Variants in FAM53B observed in about 807,000 individuals in gnomAD.
FAM53B encodes family with sequence similarity 53 member B.
Under a neutral mutation model 32.7 loss-of-function variants are expected in FAM53B, and 12 were observed. That is an observed-to-expected ratio of 0.37 (90% CI 0.24 to 0.59). FAM53B has a LOEUF of 0.59. FAM53B is among the 20% of genes least tolerant of loss of function. The pLI, the probability that FAM53B is intolerant of heterozygous loss-of-function variation, is 0.72. For missense variants in FAM53B, 477 were observed against 577.7 expected (o/e 0.83, Z 1.79); for synonymous variants, 234 against 228.7 (o/e 1.02, Z -0.21).
intron 4 of FAM53B, among the ~76,000 whole-genome samples, chr10:124,662,675 T>C (rs989639359): frequency 6.6e-6 from 1 of 152,074 alleles, no homozygotes; most frequent in Non-Finnish European, 1.5e-5. Flanking sequence ...GACTTAAAAA[T>C]TAGCCTGGCA....
intron 4 of FAM53B, among the ~76,000 whole-genome samples, chr10:124,665,594 T>C (rs1949664982): frequency 6.6e-6 from 1 of 152,228 alleles, no homozygotes; most frequent in Non-Finnish European, 1.5e-5. Context: ...ATCATCTTAT[T>C]TCGTCCTGGC....
chr10:124,664,516 GC>G (rs899483769), intron 4 of FAM53B, among the ~76,000 whole-genome samples: 3 of 152,310 alleles, frequency 2.0e-5, no homozygotes, highest in African/African-American at 7.2e-5. Flanking sequence ...GGGCTACAAG[GC>G]CCCCAAGTCT....
rs1273268394 is a variant in FAM53B, at chr10:124,651,793, G to A, written c.907-28189C>T. ...GGGCACTGGCACATGGCGGGGACAC[G>A]CCACCCCTGCTGTCTACTATGACTG... On this transcript the variant is annotated intron_variant, in intron 4 of 4. Transcript: ENST00000337318. The surrounding 1 kb of genome is among the most constrained non-coding windows in gnomAD (Gnocchi z 5.2). Among the ~76,000 whole-genome samples, 1 of 152,204 alleles carries A rather than the reference G, an allele frequency of 6.6e-6. No individual in the cohort carries two copies. The highest frequency in any genetic ancestry group is 2.4e-5 in the African/African-American group (1 of 41,454).
chr10:124,679,793 T>C (rs1280513847), intron 4 of FAM53B, among the ~76,000 whole-genome samples: 1 of 152,248 alleles, frequency 6.6e-6, no homozygotes, highest in Non-Finnish European at 1.5e-5. Flanking sequence ...TCTATACAAC[T>C]GGGCGCAGCC....
chr10:124,669,233 G>A (rs894810336), intron 4 of FAM53B, among the ~76,000 whole-genome samples: 5 of 152,354 alleles, frequency 3.3e-5, no homozygotes, highest in East Asian at 3.9e-4. Context: ...GATGTAACGC[G>A]CACTGTCCAC....
At chr10:124,666,799 G>C (rs1392232311) in intron 4 of FAM53B, among the ~76,000 whole-genome samples, 1 of 152,228 alleles carries the variant, frequency 6.6e-6, no homozygotes, top group Non-Finnish European at 1.5e-5. Context: ...GAGGAGGGTG[G>C]AGCAGGTGAG....
At chr10:124,717,045 A>G (rs2134093620) in intron 1 of FAM53B, among the ~76,000 whole-genome samples, 1 of 152,316 alleles carries the variant, frequency 6.6e-6, no homozygotes, top group Non-Finnish European at 1.5e-5. Flanking sequence ...TGGAAAAAAA[A>G]GATTTAAAAA....
intron 1 of FAM53B, among the ~76,000 whole-genome samples, chr10:124,712,104 C>A (rs1950008142): frequency 6.6e-6 from 1 of 152,050 alleles, no homozygotes. Flanking sequence ...CCTGTAATCC[C>A]AGCACTACGG....
intron 4 of FAM53B, among the ~76,000 whole-genome samples, chr10:124,647,205 ACTGC>A (rs1304545388): frequency 6.6e-6 from 1 of 152,172 alleles, no homozygotes; most frequent in East Asian, 1.9e-4. Context: ...AATGTGTATC[ACTGC>A]CCTGAAGCTC....
At chr10:124,645,192 T>G (rs1156973014) in intron 4 of FAM53B, among the ~76,000 whole-genome samples, 1 of 152,208 alleles carries the variant, frequency 6.6e-6, no homozygotes, top group Non-Finnish European at 1.5e-5. Flanking sequence ...AGGCCTCAGG[T>G]GCAGAGTGGG....
rs149366751 is a variant in FAM53B, at chr10:124,706,294, C to A, written c.78+342G>T. On this transcript the variant is annotated intron_variant, in intron 2 of 4. Transcript: ENST00000337318. ...CTGGGCCTCCATTCAGGGCACCAAC[C>A]CCCTCTGGAAACCACCCCCCCTTAA... Among the ~76,000 whole-genome samples, 504 of 152,306 alleles carry A rather than the reference C, an allele frequency of 3.3e-3. 1 individual carries two copies. The highest frequency in any genetic ancestry group is 0.012 in the African/African-American group (490 of 41,574).
At chr10:124,719,461 G>C (rs1950055853) in intron 1 of FAM53B, among the ~76,000 whole-genome samples, 1 of 152,164 alleles carries the variant, frequency 6.6e-6, no homozygotes, top group African/African-American at 2.4e-5. Flanking sequence ...ACAGATCTAA[G>C]CGAGAGTCAA....
At chr10:124,646,183 A>G (rs1949512193) in intron 4 of FAM53B, among the ~76,000 whole-genome samples, 1 of 152,184 alleles carries the variant, frequency 6.6e-6, no homozygotes, top group Non-Finnish European at 1.5e-5. Context: ...CCCATGAAGG[A>G]CAGCTCTCCA....
intron 4 of FAM53B, among the ~76,000 whole-genome samples, chr10:124,646,127 C>T (rs1031953514): frequency 7.2e-5 from 11 of 152,152 alleles, no homozygotes; most frequent in Admixed American, 4.6e-4. Flanking sequence ...GTCATGACTG[C>T]GGGAGGGGGA....
In FAM53B at chr10:124,628,520, C is replaced by T. The variant is rs150263069; in HGVS notation, c.907-4916G>A. Among the ~76,000 whole-genome samples, 244 of 152,324 alleles carry T rather than the reference C, an allele frequency of 1.6e-3. 1 individual carries two copies. Among genetic ancestry groups the T allele is most frequent in the Non-Finnish European group, 3.1e-3 (213 of 68,018 alleles). On this transcript the variant is annotated intron_variant, in intron 4 of 4. Coordinates refer to ENST00000337318, the MANE Select transcript of FAM53B (RefSeq NM_014661.4). The stretch of plus-strand genomic sequence containing the variant: ...CCACTGGCCAAGTGGCCTCACTTCC[C>T]GTTTCCTCCCCTGGGAAGCAGAACT...
chr10:124,689,551 C>CA (rs1205968413), intron 3 of FAM53B, among the ~76,000 whole-genome samples: 1 of 152,226 alleles, frequency 6.6e-6, no homozygotes, highest in Non-Finnish European at 1.5e-5. Context: ...TCACACAAGG[C>CA]ACAAGGAACA....
Position 124,622,897 on chromosome 10 carries a change from C to T in FAM53B, c.*345G>A, listed in dbSNP as rs891422114. 7 of 221,256 alleles carry T rather than the reference C, an allele frequency of 3.2e-5. No homozygotes were observed. Among genetic ancestry groups the T allele is most frequent in the East Asian group, 1.2e-4 (1 of 8,192 alleles). The allele number at this position is 221,256 out of a possible 1,614,324, so 13.7% of individuals were successfully genotyped here. Reference sequence around the variant, plus strand: ...CCCCCACCACCAGGGGGATACAGAGCGGTGCCCAGCTCTGCCGGGGACAAC... The same window carrying T: ...CCCCCACCACCAGGGGGATACAGAGTGGTGCCCAGCTCTGCCGGGGACAAC... On this transcript the variant is annotated 3_prime_UTR_variant, in exon 5 of 5. Coordinates refer to ENST00000337318, the MANE Select transcript of FAM53B (RefSeq NM_014661.4).
chr10:124,622,485 T>G lies in FAM53B; in HGVS notation c.*757A>C, dbSNP rs955086158. 1 of 152,120 alleles carries G rather than the reference T, an allele frequency of 6.6e-6. No individual in the cohort carries two copies. Among genetic ancestry groups the G allele is most frequent in the Admixed American group, 6.5e-5 (1 of 15,278 alleles). 9.4% of individuals were successfully genotyped at this position (152,120 alleles called of 1,614,324 possible). ...AGCCATGGGGTCAGCCTCTCCATGC[T>G]GTAGGAGAGGCAAGCAAGTCCGTCT... On this transcript the variant is annotated 3_prime_UTR_variant, in exon 5 of 5. Transcript: ENST00000337318.
chr10:124,701,455 C>T (rs556415103), intron 2 of FAM53B, among the ~76,000 whole-genome samples: 15 of 152,354 alleles, frequency 9.8e-5, no homozygotes, highest in African/African-American at 3.6e-4. Context: ...CAGCCAGCCA[C>T]CAGCTCCCTT....
Sources: gnomAD v4.1 joint callset for allele counts (sites outside exome capture counted in the v4.1 genomes callset) on GRCh38, gnomAD v4.1.1 for gene constraint, Gnocchi (gnomAD v3.1) non-coding constraint, MANE v1.5 for transcripts, NCBI Gene and HGNC (gene_info 2026-07-23, HGNC 2026-07-21) for gene names.